The following DPYSL3 variants were observed in gnomAD, a reference collection of about 807,000 sequenced individuals.
The protein encoded by DPYSL3 is dihydropyrimidinase-related protein 3.
Under a neutral mutation model 66.1 loss-of-function variants are expected in DPYSL3, and 16 were observed. That is an observed-to-expected ratio of 0.24 (90% CI 0.16 to 0.37). The LOEUF (loss-of-function observed/expected upper bound fraction) is 0.37. Ranked by LOEUF, DPYSL3 falls within the 10% of genes least tolerant of loss-of-function variation. The pLI, the probability that DPYSL3 is intolerant of heterozygous loss-of-function variation, is 1.00. For missense variants in DPYSL3, 738 were observed against 916.2 expected, an observed-to-expected ratio of 0.81 and a Z score of 2.51; for synonymous variants, 338 against 345.1, an observed-to-expected ratio of 0.98 and a Z score of 0.23.
chr5:147,416,242 G>A (rs1751965438), intron 3 of DPYSL3, among the ~76,000 whole-genome samples: 1 of 152,152 alleles, frequency 6.6e-6, no homozygotes, highest in Admixed American at 6.5e-5. Flanking sequence ...ATAAATGTTA[G>A]CCATCAATGA....
At chr5:147,501,478 A>AT (rs749216433) in intron 1 of DPYSL3, among the ~76,000 whole-genome samples, 27,346 of 91,002 alleles carry the variant, frequency 0.3, 5,775 homozygotes, top group Non-Finnish European at 0.34. Flanking sequence ...GGTGATAATG[A>AT]TTTTTTTTTT....
At chr5:147,429,573 TTTAAGCC>T (rs1396120630) in intron 1 of DPYSL3, among the ~76,000 whole-genome samples, 1 of 152,202 alleles carries the variant, frequency 6.6e-6, no homozygotes, top group African/African-American at 2.4e-5. Flanking sequence ...TTTGAATGTT[TTTAAGCC>T]TTAAGTATGT....
At chr5:147,413,311 G>C (rs188805636) in intron 5 of DPYSL3, among the ~76,000 whole-genome samples, 8 of 152,272 alleles carry the variant, frequency 5.3e-5, no homozygotes, top group Non-Finnish European at 5.9e-5. Context: ...GCTTATGAGG[G>C]GTTTGGAGCT....
chr5:147,506,717 A>G (rs1312683506), intron 1 of DPYSL3, among the ~76,000 whole-genome samples: 3 of 152,178 alleles, frequency 2.0e-5, no homozygotes, highest in African/African-American at 7.2e-5. Flanking sequence ...ACTGAATACT[A>G]CTGTGCAAAG....
chr5:147,418,770 A>C (rs1752024478), intron 2 of DPYSL3, 139 bp from the exon 3 acceptor site: 1 of 707,728 alleles, frequency 1.4e-6, no homozygotes, highest in Non-Finnish European at 2.3e-6. Flanking sequence ...GTGACTCACA[A>C]GCTTAGCAAT....
At chr5:147,414,051 A>G (rs891137624) in intron 4 of DPYSL3, among the ~76,000 whole-genome samples, 4 of 152,218 alleles carry the variant, frequency 2.6e-5, no homozygotes, top group Non-Finnish European at 5.9e-5. Flanking sequence ...ATACTAGTTC[A>G]GTGAGCTTGG....
intron 1 of DPYSL3, among the ~76,000 whole-genome samples, chr5:147,458,288 G>A (rs1214329600): frequency 6.6e-6 from 1 of 152,136 alleles, no homozygotes; most frequent in Non-Finnish European, 1.5e-5. Flanking sequence ...AAACCAAGAT[G>A]GCGACAAGAG....
Position 147,424,942 on chromosome 5 carries a change from C to T in DPYSL3, c.403G>A (p.Gly135Arg). The T allele has an allele frequency of 1.2e-6, 2 of 1,612,958 alleles. No homozygotes were observed. Among genetic ancestry groups the T allele is most frequent in the Non-Finnish European group, 1.7e-6 (2 of 1,179,390 alleles). ...KDKSDRLLIK[G>R]GRIVNDDQSF... ...TGATCATCATTGACGATTCTGCCTC[C>T]CTTGATAAGGAGACGGTCACTCTAG... is the stretch of plus-strand genomic sequence containing the variant. Residue 135 changes from glycine to arginine, a missense_variant, in exon 2 of 14, where the codon GGA becomes AGA. Coordinates refer to ENST00000343218, the MANE Select transcript of DPYSL3 (RefSeq NM_001197294.2).
chr5:147,400,388 A>G (rs573639466), intron 10 of DPYSL3, among the ~76,000 whole-genome samples: 49 of 152,310 alleles, frequency 3.2e-4, no homozygotes, highest in African/African-American at 1.2e-3. Context: ...AAACAAAAAG[A>G]ATTAACTCAC....
chr5:147,492,715 T>C (rs75827489), intron 1 of DPYSL3, among the ~76,000 whole-genome samples: 1,738 of 152,228 alleles, frequency 0.011, 65 homozygotes, highest in East Asian at 0.087. Flanking sequence ...TGGAATCATA[T>C]AAAATTCTCA....
In DPYSL3 at chr5:147,405,741, AAGTCTCCAGG is replaced by A. The variant is rs1411472500; in HGVS notation, c.1033-21_1033-12del. ...AGCCTCAGCTTCCAGCTGCAAGAAAAAGTCTCCAGGAGTCAATAGAAACATGAACCTCTCA... is the reference window on the plus strand; with the variant it reads ...AGCCTCAGCTTCCAGCTGCAAGAAAAAGTCAATAGAAACATGAACCTCTCA... On this transcript the variant is annotated splice_polypyrimidine_tract_variant and intron_variant, in intron 7 of 13. Transcript: ENST00000343218. 1.9e-6 allele frequency: 3 copies of A among 1,606,692 alleles called. No individual in the cohort carries two copies. In the East Asian group the frequency reaches 6.7e-5, roughly 36 times the overall value.
At chr5:147,400,926 TCTGA>T in intron 9 of DPYSL3, 93 bp from the exon 10 acceptor site, 1 of 1,482,334 alleles carries the variant, frequency 6.7e-7, no homozygotes, top group Non-Finnish European at 9.0e-7. Context: ...GGGTTTGCAC[TCTGA>T]CTATTTGGGT....
Position 147,394,112 on chromosome 5 carries a change from C to G in DPYSL3, c.1978G>C (p.Asp660His). The G allele has an allele frequency of 6.2e-7, 1 of 1,614,108 alleles. No homozygotes were observed. Among genetic ancestry groups the G allele is most frequent in the Non-Finnish European group, 8.5e-7 (1 of 1,180,004 alleles). ...TTGCTGGCTGAGCGAACCCCCTCAT[C>G]CACTTGGGTGCCTACAGTTGGAAAT... ...SGFSLSGTQV[D>H]EGVRSASKRI... The change falls in exon 14 of 14, where the codon GAT (aspartate) becomes CAT (histidine). Residue 660 changes from aspartate to histidine, a missense_variant. Transcript: ENST00000343218.
chr5:147,424,571 T>G (rs1006728292), intron 2 of DPYSL3, among the ~76,000 whole-genome samples: 11 of 152,228 alleles, frequency 7.2e-5, no homozygotes, highest in African/African-American at 2.7e-4. Context: ...TTTGTACTTC[T>G]AAATCACTTA....
chr5:147,501,163 G>A (rs765139960), intron 1 of DPYSL3, among the ~76,000 whole-genome samples: 4 of 152,160 alleles, frequency 2.6e-5, no homozygotes, highest in Non-Finnish European at 4.4e-5. Flanking sequence ...ATGTAGAGAC[G>A]TGGGGAAAAT....
intron 1 of DPYSL3, among the ~76,000 whole-genome samples, chr5:147,443,465 C>T (rs1389727924): frequency 6.6e-6 from 1 of 152,062 alleles, no homozygotes; most frequent in Admixed American, 6.6e-5. Flanking sequence ...GAACAACACA[C>T]ACCAGGGCCT....
intron 1 of DPYSL3, among the ~76,000 whole-genome samples, chr5:147,454,470 A>G (rs1752809789): frequency 6.6e-6 from 1 of 152,222 alleles, no homozygotes. Context: ...GTAGCAGTGG[A>G]CTCAACCATT....
chr5:147,445,711 A>C (rs1752618542), intron 1 of DPYSL3, among the ~76,000 whole-genome samples: 1 of 151,892 alleles, frequency 6.6e-6, no homozygotes. Flanking sequence ...GCAGATACAG[A>C]CTCCGAGTTG....
intron 6 of DPYSL3, among the ~76,000 whole-genome samples, chr5:147,411,717 C>T (rs1161320659): frequency 6.6e-6 from 1 of 152,192 alleles, no homozygotes; most frequent in Non-Finnish European, 1.5e-5. Flanking sequence ...ATTGTTCCTA[C>T]ACCCCTGCTG....
Sources: allele counts gnomAD v4.1 joint callset (sites outside exome capture counted in the v4.1 genomes callset), GRCh38; gene constraint gnomAD v4.1.1; transcripts MANE v1.5; gene names NCBI Gene and HGNC (gene_info 2026-07-23, HGNC 2026-07-21).